The following SEMA3E variants were observed in gnomAD, a reference collection of about 807,000 sequenced individuals.
SEMA3E encodes the protein semaphorin 3E, also known as semaphorin-3E.
SEMA3E carries 49 observed loss-of-function variants against 93.6 expected under a neutral mutation model. The ratio of observed to expected loss-of-function variants is 0.52; its 90% CI spans 0.42 to 0.66. The LOEUF (loss-of-function observed/expected upper bound fraction) is 0.66. SEMA3E is among the 30% of genes least tolerant of loss of function. SEMA3E has a pLI of 0.00. For missense variants in SEMA3E, 906 were observed against 964.8 expected, an observed-to-expected ratio of 0.94 and a Z score of 0.81; for synonymous variants, 363 against 330.7, an observed-to-expected ratio of 1.10 and a Z score of -1.06.
intron 1 of SEMA3E, among the ~76,000 whole-genome samples, chr7:83,601,472 A>G (rs1345146216): frequency 6.6e-6 from 1 of 151,912 alleles, no homozygotes; most frequent in Non-Finnish European, 1.5e-5. Context: ...AATGCACACA[A>G]GTTTTCTTTC....
chr7:83,555,600 G>A (rs1051726220), intron 1 of SEMA3E, among the ~76,000 whole-genome samples: 1 of 152,072 alleles, frequency 6.6e-6, no homozygotes, highest in East Asian at 1.9e-4. Flanking sequence ...GTGTGATTGC[G>A]ATTTGCCCAT....
intron 1 of SEMA3E, among the ~76,000 whole-genome samples, chr7:83,529,193 G>T (rs1257864180): frequency 2.0e-5 from 3 of 152,106 alleles, no homozygotes; most frequent in Non-Finnish European, 4.4e-5. Context: ...TGATAAAGGG[G>T]ATGAAAGGTC....
chr7:83,581,903 G>A (rs1408057345), intron 1 of SEMA3E, among the ~76,000 whole-genome samples: 1 of 151,924 alleles, frequency 6.6e-6, no homozygotes, highest in Non-Finnish European at 1.5e-5. Flanking sequence ...AGGAAATCCT[G>A]TCACCATTTT....
At chr7:83,642,825 T>A (rs560361314) in intron 1 of SEMA3E, among the ~76,000 whole-genome samples, 1 of 152,158 alleles carries the variant, frequency 6.6e-6, no homozygotes, top group African/African-American at 2.4e-5. Context: ...AATGGTATAA[T>A]TTTAGTTTAG....
At position 83,367,164 on chromosome 7, in the gene SEMA3E, A is replaced by G. The variant is rs1794681322; in HGVS notation, c.*422T>C. 1 of 213,922 alleles carries G rather than the reference A, an allele frequency of 4.7e-6. No individual in the cohort carries two copies. Among genetic ancestry groups the G allele is most frequent in the South Asian group, 7.0e-5 (1 of 14,246 alleles). 13.3% of individuals were successfully genotyped at this position (213,922 alleles called of 1,614,324 possible). ...AATGCCAAAGTATCTTGTATTCTGC[A>G]TATCTTACATTGTGATGGAAAAGAA... On this transcript the variant is annotated 3_prime_UTR_variant, in exon 17 of 17. Transcript: ENST00000643230.
intron 4 of SEMA3E, among the ~76,000 whole-genome samples, chr7:83,461,151 G>A (rs188171255): frequency 1.1e-4 from 16 of 152,142 alleles, no homozygotes; most frequent in African/African-American, 3.4e-4. Context: ...ATAGGCAAAC[G>A]GTCTGAGGTG....
At chr7:83,550,450 G>A (rs935765553) in intron 1 of SEMA3E, among the ~76,000 whole-genome samples, 2 of 152,014 alleles carry the variant, frequency 1.3e-5, no homozygotes, top group African/African-American at 4.8e-5. Flanking sequence ...GCTCCAATTA[G>A]GGGAAATTAG....
intron 4 of SEMA3E, among the ~76,000 whole-genome samples, chr7:83,433,116 C>G: frequency 6.6e-6 from 1 of 152,026 alleles, no homozygotes; most frequent in Admixed American, 6.6e-5. Flanking sequence ...TGAAAGACAA[C>G]TCTGTAAAGG....
intron 4 of SEMA3E, among the ~76,000 whole-genome samples, chr7:83,458,931 GTATATATATACACATATGTATA>G (rs1789551529): frequency 7.5e-6 from 1 of 133,458 alleles, no homozygotes; most frequent in East Asian, 2.2e-4. Context: ...ATGTATATAT[GTATATATATACACATATGTATA>G]TGTGTGTGTG....
chr7:83,637,881 TC>T (rs1259842232), intron 1 of SEMA3E, among the ~76,000 whole-genome samples: 3 of 151,712 alleles, frequency 2.0e-5, no homozygotes, highest in African/African-American at 7.3e-5. Context: ...GACAGTGGTT[TC>T]TGGGCTGGTG....
chr7:83,396,665 T>C lies in SEMA3E; in HGVS notation c.1431A>G (p.Val477=), dbSNP rs1395928815. 3.7e-6 allele frequency: 6 copies of C among 1,606,638 alleles called. No individual in the cohort carries two copies. Among genetic ancestry groups the C allele is most frequent in the Admixed American group, 3.3e-5 (2 of 59,866 alleles). The change falls in exon 12 of 17, where the codon GTA becomes GTG. Residue 477 remains valine (V), a synonymous_variant. Coordinates refer to ENST00000643230, the MANE Select transcript of SEMA3E (RefSeq NM_012431.3). ...TGAATATCTGAAGTTCTTCTAGAAT[T>C]ACTTCTTCCATTGATTCCATTTCTT... ...YNQEMESMEE[V]ILEELQIFKD... is the part of the protein sequence containing the mutation.
chr7:83,483,553 C>T (rs1790191208), intron 2 of SEMA3E, among the ~76,000 whole-genome samples: 1 of 151,934 alleles, frequency 6.6e-6, no homozygotes, highest in Non-Finnish European at 1.5e-5. Flanking sequence ...ATCCATGTCT[C>T]ACAAGGAAAT....
chr7:83,405,205 T>C (rs1279684189), intron 9 of SEMA3E, among the ~76,000 whole-genome samples: 1 of 152,078 alleles, frequency 6.6e-6, no homozygotes, highest in South Asian at 2.1e-4. Flanking sequence ...GATATCAGGA[T>C]ACTGAGCACA....
chr7:83,497,256 C>T (rs1364554294), intron 1 of SEMA3E, among the ~76,000 whole-genome samples: 1 of 152,056 alleles, frequency 6.6e-6, no homozygotes, highest in Non-Finnish European at 1.5e-5. Context: ...TGCTATAGTT[C>T]CTTGTGTACG....
chr7:83,364,485 T>G lies in SEMA3E; in HGVS notation c.*3101A>C, dbSNP rs1418277559. 1 of 152,248 alleles carries G rather than the reference T, an allele frequency of 6.6e-6. No homozygotes were observed. The highest frequency in any genetic ancestry group is 1.9e-4 in the East Asian group (1 of 5,200). 9.4% of individuals were successfully genotyped at this position (152,248 alleles called of 1,614,324 possible). On this transcript the variant is annotated 3_prime_UTR_variant, in exon 17 of 17. Coordinates refer to ENST00000643230, the MANE Select transcript of SEMA3E (RefSeq NM_012431.3). ...TCTTATTAGTGTTTATCCTTATTTT[T>G]AATCCCTGTTTCTCCAAGTTGATAG...
Position 83,497,521 on chromosome 7 carries a change from G to C in SEMA3E, c.116-7247C>G, listed in dbSNP as rs2713193. Among the ~76,000 whole-genome samples the C allele has an allele frequency of 7.1e-3, 1,077 of 152,180 alleles. 10 individuals carry two copies. The highest frequency in any genetic ancestry group is 0.024 in the African/African-American group (1,013 of 41,536). On this transcript the variant is annotated intron_variant, in intron 1 of 16. Transcript: ENST00000643230. ...GCATTGTTAATGAAAATGAAATATG[G>C]AAATAGCCATTAGAAATTTTCTTTA...
At chr7:83,630,593 T>A (rs1424200052) in intron 1 of SEMA3E, among the ~76,000 whole-genome samples, 1 of 152,192 alleles carries the variant, frequency 6.6e-6, no homozygotes, top group Non-Finnish European at 1.5e-5. Flanking sequence ...TCCTTGTTTA[T>A]CACAGTGTGA....
Position 83,417,529 on chromosome 7 carries a change from T to C in SEMA3E, c.550+861A>G, listed in dbSNP as rs573976961. On this transcript the variant is annotated intron_variant, in intron 5 of 16. Transcript: ENST00000643230. ...TAATATTAGCATATAACTCTAAACATTATAAATGTAATAATGCAACCTTGC... is the reference window on the plus strand; with the variant it reads ...TAATATTAGCATATAACTCTAAACACTATAAATGTAATAATGCAACCTTGC... Among the ~76,000 whole-genome samples the C allele has an allele frequency of 2.0e-5, 3 of 152,234 alleles. No homozygotes were observed. The South Asian group carries it at 6.2e-4, about 32-fold the overall frequency.
rs1794621596 is a variant in SEMA3E, at chr7:83,363,859, CATTTTTTTTT to C, written c.*3717_*3726del. ...AGGCTACAGGTGTCACAGGTCAATT[CATTTTTTTTT>C]TTTTTTTTTTTTTTTTTTTTTTTTT... On this transcript the variant is annotated 3_prime_UTR_variant, in exon 17 of 17. Coordinates refer to ENST00000643230, the MANE Select transcript of SEMA3E (RefSeq NM_012431.3). 5.8e-4 allele frequency: 58 copies of C among 100,560 alleles called. 5 individuals carry two copies. Among genetic ancestry groups the C allele is most frequent in the African/African-American group, 2.0e-3 (43 of 21,450 alleles). The allele number at this position is 100,560 out of a possible 1,614,324, so 6.2% of individuals were successfully genotyped here. A position where few individuals can be genotyped will look rare whatever the true frequency, so the allele number is the denominator to read the frequency against.
Sources: allele counts gnomAD v4.1 joint callset (sites outside exome capture counted in the v4.1 genomes callset), GRCh38; gene constraint gnomAD v4.1.1; transcripts MANE v1.5; gene names NCBI Gene and HGNC (gene_info 2026-07-23, HGNC 2026-07-21).